Variants in MTERF4 observed in about 807,000 individuals in gnomAD.
MTERF4 encodes transcription termination factor 4, mitochondrial.
Under a neutral mutation model 22.5 loss-of-function variants are expected in MTERF4, and 17 were observed. The observed-to-expected ratio is 0.75, with a 90% confidence interval of 0.52 to 1.13. MTERF4 has a LOEUF of 1.13. Ranked by LOEUF, MTERF4 falls within the 50% of genes most tolerant of loss-of-function variation. MTERF4 has a pLI of 0.00. For missense variants in MTERF4, 420 were observed against 466.8 expected (o/e 0.90, Z 0.92); for synonymous variants, 165 against 175.3 (o/e 0.94, Z 0.47).
At chr2:241,072,247 G>A (rs1313310619) in exon 5 of MTERF4, 8 of 458,138 alleles carry the variant, frequency 1.7e-5, no homozygotes, top group Admixed American at 7.1e-5. Context: ...AGGCCATGAG[G>A]GTCTAACCCG....
At chr2:241,072,360 G>A (rs989157402) in exon 5 of MTERF4, 9 of 374,460 alleles carry the variant, frequency 2.4e-5, no homozygotes, top group Non-Finnish European at 3.7e-5. Flanking sequence ...CCTTCCCACC[G>A]GGTTTACTGG....
chr2:241,089,634 C>T (rs1468105462), downstream of MTERF4, among the ~76,000 whole-genome samples: 1 of 152,238 alleles, frequency 6.6e-6, no homozygotes, highest in East Asian at 1.9e-4. Flanking sequence ...GAGGGAATCA[C>T]TTCCCGCTCC....
At chr2:241,048,440 A>G in the MTERF4 span, 4 of 1,598,396 alleles carry the variant, frequency 2.5e-6, no homozygotes, top group Non-Finnish European at 3.4e-6. Flanking sequence ...CTGCAGGGAG[A>G]GTGCGTCTGG....
rs2064379174 is a variant in MTERF4 at position 241,095,939 on chromosome 2, GA to G, written c.*58del. On this transcript the variant is annotated 3_prime_UTR_variant, in exon 4 of 4. Transcript: ENST00000391980. ...CAAGTAAAGGACCCAAAAGCTTTAA[GA>G]GAATGAAAAGCTTCCTTGATATCTC... is the stretch of plus-strand genomic sequence containing the variant. The G allele has an allele frequency of 6.4e-7, 1 of 1,553,080 alleles. No individual in the cohort carries two copies. Among genetic ancestry groups the G allele is most frequent in the Admixed American group, 2.0e-5 (1 of 49,882 alleles).
chr2:241,052,529 G>A, the MTERF4 span: 2 of 1,287,738 alleles, frequency 1.6e-6, no homozygotes, highest in Admixed American at 3.5e-5. Flanking sequence ...CAGGTGAGAT[G>A]GCCAGGGCCC....
At chr2:241,065,875 G>T in the MTERF4 span, among the ~76,000 whole-genome samples, 171 of 152,002 alleles carry the variant, frequency 1.1e-3, no homozygotes, top group African/African-American at 3.8e-3. Context: ...TAGGAAGTGG[G>T]ACTGGGGAGG....
chr2:241,089,190 T>A (rs144773021), downstream of MTERF4: 22 of 1,118,814 alleles, frequency 2.0e-5, no homozygotes, highest in East Asian at 5.8e-4. Context: ...ATACTGACCA[T>A]CATTTTTTAT....
At chr2:241,087,679 A>G, downstream of MTERF4, 2 of 1,372,334 alleles carry the variant, frequency 1.5e-6, no homozygotes, top group Non-Finnish European at 1.9e-6. Context: ...AGAGGGGCAC[A>G]GCCGGGCATG....
At chr2:241,083,399 AG>A (rs1402140020), downstream of MTERF4, among the ~76,000 whole-genome samples, 11 of 144,672 alleles carry the variant, frequency 7.6e-5, no homozygotes, top group Non-Finnish European at 1.2e-4. Context: ...AATGGGGAGG[AG>A]CTACTGAAGG....
chr2:241,056,385 G>C, the MTERF4 span, among the ~76,000 whole-genome samples: 1 of 151,960 alleles, frequency 6.6e-6, no homozygotes, highest in Non-Finnish European at 1.5e-5. Flanking sequence ...CAAGCTGCTG[G>C]GATTACAGGC....
chr2:241,086,277 G>A (rs940702577), downstream of MTERF4, among the ~76,000 whole-genome samples: 17 of 152,188 alleles, frequency 1.1e-4, no homozygotes, highest in Admixed American at 9.2e-4. Context: ...TTCACCCTAT[G>A]CATGCACAGC....
At chr2:241,070,845 G>A (rs1241703190), downstream of MTERF4, among the ~76,000 whole-genome samples, 1 of 152,220 alleles carries the variant, frequency 6.6e-6, no homozygotes, top group Non-Finnish European at 1.5e-5. Context: ...GACAAGCAGG[G>A]AGGAGAGGCC....
At chr2:241,067,096 G>A in the MTERF4 span, among the ~76,000 whole-genome samples, 1 of 152,244 alleles carries the variant, frequency 6.6e-6, no homozygotes, top group Non-Finnish European at 1.5e-5. Context: ...GCCCTCGGAA[G>A]GTATCTGGAG....
At chr2:241,071,893 C>A (rs779593115), downstream of MTERF4, 8 of 1,586,466 alleles carry the variant, frequency 5.0e-6, no homozygotes, top group African/African-American at 1.1e-4. Flanking sequence ...GTGCCAGGGC[C>A]TCCCCACCCA....
At chr2:241,080,174 C>G (rs1450296584) in intron 4 of MTERF4, among the ~76,000 whole-genome samples, 3 of 152,068 alleles carry the variant, frequency 2.0e-5, no homozygotes, top group Non-Finnish European at 4.4e-5. Flanking sequence ...GTACCAGCTA[C>G]TCGGGAGGCT....
chr2:241,044,425 A>G, the MTERF4 span, among the ~76,000 whole-genome samples: 1 of 152,234 alleles, frequency 6.6e-6, no homozygotes, highest in African/African-American at 2.4e-5. Context: ...TACAGCTACA[A>G]TCCTGGACAG....
the MTERF4 span, chr2:241,062,732 C>A: frequency 1.8e-6 from 2 of 1,122,808 alleles, no homozygotes; most frequent in Non-Finnish European, 2.7e-6. Context: ...AGTTTATGTG[C>A]ATCTTAATTT....
chr2:241,049,308 TCTC>T, the MTERF4 span, among the ~76,000 whole-genome samples: 4 of 152,030 alleles, frequency 2.6e-5, no homozygotes, highest in Non-Finnish European at 4.4e-5. Context: ...GGGCTAGACA[TCTC>T]CTCTTCCCCA....
At chr2:241,063,482 T>G in the MTERF4 span, 1 of 778,514 alleles carries the variant, frequency 1.3e-6, no homozygotes, top group Non-Finnish European at 2.3e-6. Flanking sequence ...TGCTCCCAGC[T>G]GGGAAAGGGG....
Sources: allele counts gnomAD v4.1 joint callset (sites outside exome capture counted in the v4.1 genomes callset), GRCh38; gene constraint gnomAD v4.1.1; transcripts MANE v1.5; gene names NCBI Gene and HGNC (gene_info 2026-07-23, HGNC 2026-07-21).